The following ITPR3 variants were observed in gnomAD, a reference collection of about 807,000 sequenced individuals.
ITPR3 encodes inositol 1,4,5-trisphosphate receptor type 3, also known as inositol 1,4,5-trisphosphate-gated calcium channel ITPR3.
Under a neutral mutation model 293.2 loss-of-function variants are expected in ITPR3, and 173 were observed. The ratio of observed to expected loss-of-function variants is 0.59; its 90% confidence interval spans 0.52 to 0.67. ITPR3 has a LOEUF of 0.67. ITPR3 is among the 30% of genes least tolerant of loss of function. The pLI is 0.00. For synonymous variants in ITPR3, 1,295 were observed against 1,444.4 expected (o/e 0.90, Z 2.35); for missense variants, 2,796 against 3,592.1 (o/e 0.78, Z 5.66).
chr6:33,677,046 C>T lies in ITPR3; in HGVS notation c.3479C>T (p.Pro1160Leu), dbSNP rs1328330986. 3.7e-6 allele frequency: 6 copies of T among 1,614,074 alleles called. No homozygotes were observed. The highest frequency in any genetic ancestry group is 4.5e-5 in the East Asian group (2 of 44,894). Residue 1160 changes from proline to leucine, a missense_variant, in exon 27 of 58, where the codon CCA becomes CTA. By Grantham distance (98) the Pro-to-Leu change is moderately conservative. Around this residue, in one of 8 missense-constraint regions of ITPR3, gnomAD observed 344 missense variants for 460.3 expected, o/e 0.75. Coordinates refer to ENST00000605930, the MANE Select transcript of ITPR3 (RefSeq NM_002224.4). ...RPTDEEGFLH[P>L]PGEKSSENYQ... Reference sequence around the variant, plus strand: ...ACGGACGAGGAGGGCTTTCTGCACCCACCAGGGGAGAAAAGCAGTGAGAAC... The same window carrying T: ...ACGGACGAGGAGGGCTTTCTGCACCTACCAGGGGAGAAAAGCAGTGAGAAC...
rs776261570 is a variant in ITPR3, at chr6:33,662,514, C to T, written c.712-14C>T. On this transcript the variant is annotated splice_polypyrimidine_tract_variant and intron_variant, in intron 7 of 57. Transcript: ENST00000605930. ...GGGCCGCAGCCATCCTGAGCCACAC[C>T]CTGCTGCCTGCAGGGAGACGTGGTG... 1.2e-5 allele frequency: 19 copies of T among 1,571,134 alleles called. No homozygotes were observed. The South Asian group carries it at 2.1e-4, about 17-fold the overall frequency.
Position 33,695,061 on chromosome 6 carries a change from C to G in ITPR3, c.7923C>G (p.Ala2641=). The change falls in exon 57 of 58, where the codon GCC becomes GCG. Residue 2641 remains alanine (A), a synonymous_variant. Coordinates refer to ENST00000605930, the MANE Select transcript of ITPR3 (RefSeq NM_002224.4). Reference sequence around the variant, plus strand: ...TGAAGCTGGTGTCCCACCTCACTGCCCAGCTCAACGAGCTCAAGGAGCAGG... The same window carrying G: ...TGAAGCTGGTGTCCCACCTCACTGCGCAGCTCAACGAGCTCAAGGAGCAGG... The part of the protein sequence containing the change: ...STMKLVSHLT[A]QLNELKEQMT... 6.2e-7 allele frequency: 1 copy of G among 1,613,986 alleles called. No homozygotes were observed. The highest frequency in any genetic ancestry group is 8.5e-7 in the Non-Finnish European group (1 of 1,180,024).
At chr6:33,659,141 C>T in intron 6 of ITPR3, 22 bp downstream of exon 6, 1 of 1,606,310 alleles carries the variant, frequency 6.2e-7, no homozygotes, top group South Asian at 1.1e-5. Flanking sequence ...GGGGGTCAGC[C>T]ATGCAGTGCA....
rs1315533457 is a variant in ITPR3 at position 33,685,471 on chromosome 6, A to G, written c.5420A>G (p.Asn1807Ser). The change falls in exon 40 of 58, where the codon AAC becomes AGC. Residue 1807 changes from asparagine to serine, a missense_variant. Around this residue, in one of 8 missense-constraint regions of ITPR3, gnomAD observed 704 missense variants for 797.5 expected, o/e 0.88. Coordinates refer to ENST00000605930, the MANE Select transcript of ITPR3 (RefSeq NM_002224.4). ...QQETKSTVAVNMNDLGSQPHE... is the reference protein window; with the variant it reads ...QQETKSTVAVSMNDLGSQPHE... ...GAGACCAAGTCCACGGTGGCAGTCA[A>G]CATGAATGACCTGGGCAGCCAGCCA... is the stretch of plus-strand genomic sequence containing the variant. 1.2e-6 allele frequency: 2 copies of G among 1,613,890 alleles called. No homozygotes were observed. Among genetic ancestry groups the G allele is most frequent in the East Asian group, 2.2e-5 (1 of 44,874 alleles).
rs1265858311 is a variant in ITPR3, at chr6:33,683,590, C to G, written c.4788+193C>G. Among the ~76,000 whole-genome samples, 1 of 152,152 alleles carries G rather than the reference C, an allele frequency of 6.6e-6. No homozygotes were observed. Among genetic ancestry groups the G allele is most frequent in the Non-Finnish European group, 1.5e-5 (1 of 68,018 alleles). ...CCAGCAGCAAGGGACTGGGGAACCT[C>G]CTTCCAGAGGAAGCCTGGAGAACCC... On this transcript the variant is annotated intron_variant, in intron 35 of 57. Coordinates refer to ENST00000605930, the MANE Select transcript of ITPR3 (RefSeq NM_002224.4). This position sits in a 1 kb window ranked among gnomAD's most constrained non-coding sequence, Gnocchi z 4.5.
intron 3 of ITPR3, among the ~76,000 whole-genome samples, chr6:33,656,133 A>C (rs1298548379): frequency 6.6e-6 from 1 of 152,200 alleles, no homozygotes; most frequent in African/African-American, 2.4e-5. Flanking sequence ...ATCTCTACAA[A>C]AAATTAATAA....
At chr6:33,685,019 G>C in intron 39 of ITPR3, 76 bp downstream of exon 39, 1 of 1,496,192 alleles carries the variant, frequency 6.7e-7, no homozygotes, top group African/African-American at 1.4e-5. Context: ...CTTGAGTTGG[G>C]CACTGAAGGC....
At chr6:33,643,812 A>G (rs1764005098) in intron 2 of ITPR3, among the ~76,000 whole-genome samples, 1 of 152,120 alleles carries the variant, frequency 6.6e-6, no homozygotes, top group Non-Finnish European at 1.5e-5. Flanking sequence ...CCCCTTCCCT[A>G]GCCTACGCCT....
chr6:33,681,269 G>A (rs560410201), intron 33 of ITPR3, among the ~76,000 whole-genome samples: 2 of 152,330 alleles, frequency 1.3e-5, no homozygotes, highest in East Asian at 1.9e-4. Flanking sequence ...GTGGGTGGGC[G>A]GATCCCGGAG....
At chr6:33,662,155 A>G (rs1764488580) in intron 7 of ITPR3, among the ~76,000 whole-genome samples, 1 of 152,078 alleles carries the variant, frequency 6.6e-6, no homozygotes, top group Non-Finnish European at 1.5e-5. Flanking sequence ...AGGGGCAGCC[A>G]TGGCCCCGGG....
chr6:33,694,697 A>ATG, intron 56 of ITPR3: 1 of 553,208 alleles, frequency 1.8e-6, no homozygotes, highest in Non-Finnish European at 3.2e-6. Context: ...ACGCTGCCTA[A>ATG]CGGAAGTCAG....
chr6:33,689,659 T>TGGCTGTGCACACTGTGCG (rs992883439), intron 50 of ITPR3, among the ~76,000 whole-genome samples: 3 of 152,216 alleles, frequency 2.0e-5, no homozygotes, highest in African/African-American at 7.2e-5. Flanking sequence ...AGGGTCAGGG[T>TGGCTGTGCACACTGTGCG]GGCTGTGCAC....
intron 1 of ITPR3, among the ~76,000 whole-genome samples, chr6:33,637,928 C>T (rs878919742): frequency 1.1e-4 from 16 of 151,822 alleles, no homozygotes; most frequent in Admixed American, 9.8e-4. Flanking sequence ...GGATTACAGG[C>T]GTGAGCCACT....
At position 33,679,555 on chromosome 6, in the gene ITPR3, G is replaced by T. The variant is rs1462190336; in HGVS notation, c.3973-327G>T. On this transcript the variant is annotated intron_variant, in intron 30 of 57. Coordinates refer to ENST00000605930, the MANE Select transcript of ITPR3 (RefSeq NM_002224.4). This position sits in a 1 kb window ranked among gnomAD's most constrained non-coding sequence, Gnocchi z 4.2. ...CTCAGTGAGGAGGGTTTAAGTAACT[G>T]CTGCGGGAGCACAGGGGAGGGAGGG... Among the ~76,000 whole-genome samples, 2 of 152,212 alleles carry T rather than the reference G, an allele frequency of 1.3e-5. No homozygotes were observed. The highest frequency in any genetic ancestry group is 6.5e-5 in the Admixed American group (1 of 15,286).
At position 33,678,557 on chromosome 6, in the gene ITPR3, G is replaced by A. The variant is rs1561874109; in HGVS notation, c.3771+14G>A. ...CTCACGCCAGGGGTGAGGGTGCAGG[G>A]CTGGGAGCACCTGGACGAGGCGGGG... On this transcript the variant is annotated intron_variant, in intron 29 of 57. Transcript: ENST00000605930. 1.8e-5 allele frequency: 29 copies of A among 1,597,214 alleles called. No individual in the cohort carries two copies. Among genetic ancestry groups the A allele is most frequent in the Non-Finnish European group, 2.4e-5 (28 of 1,171,430 alleles).
At chr6:33,668,470 C>A in intron 16 of ITPR3, 45 bp from the exon 17 acceptor site, 1 of 1,613,090 alleles carries the variant, frequency 6.2e-7, no homozygotes, top group Non-Finnish European at 8.5e-7. Context: ...TTAGAGGGAC[C>A]AGCCTCTGAG....
rs1251353672 is a variant in ITPR3 at position 33,689,281 on chromosome 6, C to T, written c.6738C>T (p.Leu2246=). The change falls in exon 50 of 58, where the codon CTC becomes CTT. Residue 2246 remains leucine (L), a synonymous_variant. Transcript: ENST00000605930. The part of the protein sequence containing the change: ...SPLISLLFWI[L]ICFSIAALFT... ...TCATCTCATTGCTCTTCTGGATCCT[C>T]ATCTGCTTCTCCATCGCGGCCCTGT... 6.2e-7 allele frequency: 1 copy of T among 1,612,114 alleles called. No individual in the cohort carries two copies. The highest frequency in any genetic ancestry group is 8.5e-7 in the Non-Finnish European group (1 of 1,180,020).
chr6:33,694,769 A>C, intron 56 of ITPR3, 155 bp from the exon 57 acceptor site: 1 of 890,290 alleles, frequency 1.1e-6, no homozygotes, highest in Non-Finnish European at 1.7e-6. Context: ...GGCCCCGGGG[A>C]GGACCAGGTC....
At chr6:33,686,387 G>T in intron 42 of ITPR3, 22 bp from the exon 43 acceptor site, 1 of 1,605,722 alleles carries the variant, frequency 6.2e-7, no homozygotes, top group Non-Finnish European at 8.5e-7. Flanking sequence ...TGGGCCCTGT[G>T]TCCCCCACTG....
Sources: allele counts gnomAD v4.1 joint callset (sites outside exome capture counted in the v4.1 genomes callset), GRCh38; gene constraint gnomAD v4.1.1; regional missense constraint gnomAD v4.1.1; non-coding constraint Gnocchi (gnomAD v3.1); transcripts MANE v1.5; gene names NCBI Gene and HGNC (gene_info 2026-07-23, HGNC 2026-07-21).